ETV5: variants seen among roughly 807,000 people sequenced by gnomAD.
The protein encoded by ETV5 is ETS translocation variant 5.
A neutral mutation model predicts 70.0 loss-of-function variants in ETV5; 10 were observed. The ratio of observed to expected loss-of-function variants is 0.14; its 90% CI spans 0.09 to 0.24. The LOEUF is 0.24. Among genes scored for constraint, ETV5 ranks in the 10% least tolerant of loss-of-function variants. The pLI is 1.00. For missense variants in ETV5, 453 were observed against 651.2 expected (o/e 0.70, Z 3.31); for synonymous variants, 216 against 242.2 (o/e 0.89, Z 1.01).
chr3:186,104,388 A>G (rs910709937), intron 5 of ETV5, among the ~76,000 whole-genome samples: 1 of 152,184 alleles, frequency 6.6e-6, no homozygotes, highest in African/African-American at 2.4e-5. Flanking sequence ...ATGAGCACTT[A>G]GTGGCCATTT....
intron 7 of ETV5, 97 bp downstream of exon 7, chr3:186,079,720 G>T: frequency 1.5e-6 from 2 of 1,345,400 alleles, no homozygotes; most frequent in Non-Finnish European, 1.0e-6. Context: ...TAACTTTTTA[G>T]GAACCTGGTA....
chr3:186,068,455 T>C (rs1713507076), intron 7 of ETV5, among the ~76,000 whole-genome samples: 1 of 152,036 alleles, frequency 6.6e-6, no homozygotes, highest in Non-Finnish European at 1.5e-5. Flanking sequence ...TTTGCTCATC[T>C]ATAGTTTGAT....
At chr3:186,102,918 GC>G (rs1342108106) in intron 5 of ETV5, among the ~76,000 whole-genome samples, 1 of 152,154 alleles carries the variant, frequency 6.6e-6, no homozygotes, top group Non-Finnish European at 1.5e-5. Flanking sequence ...GGTCTGAACT[GC>G]AGGCAAACAA....
At chr3:186,090,488 ACTATATTCATATTAATGCATCT>A (rs1429475745) in intron 5 of ETV5, among the ~76,000 whole-genome samples, 12 of 152,268 alleles carry the variant, frequency 7.9e-5, no homozygotes, top group Non-Finnish European at 1.6e-4. Context: ...CCTATCAGTA[ACTATATTCATATTAATGCATCT>A]ATAACAGGAA....
intron 1 of ETV5, among the ~76,000 whole-genome samples, chr3:186,106,457 G>A (rs1367881285): frequency 2.0e-5 from 3 of 152,130 alleles, no homozygotes; most frequent in Non-Finnish European, 4.4e-5. Context: ...ACTATATATA[G>A]TTCCTGGAAT....
rs34100225 is a variant in ETV5, at chr3:186,105,764, A to AG, written c.46-53dup. On this transcript the variant is annotated intron_variant, in intron 2 of 12. Transcript: ENST00000306376. This position sits in a 1 kb window ranked among gnomAD's most constrained non-coding sequence, Gnocchi z 4.5. ...GCTCAAGTGTAGTAAAGAGGTCCACAGGGGGAAGACTCATATTGGAGAGGG... is the reference window on the plus strand; with the variant it reads ...GCTCAAGTGTAGTAAAGAGGTCCACAGGGGGGAAGACTCATATTGGAGAGGG... The AG allele has an allele frequency of 6.2e-7, 1 of 1,611,526 alleles. No individual in the cohort carries two copies. Among genetic ancestry groups the AG allele is most frequent in the Non-Finnish European group, 8.5e-7 (1 of 1,177,574 alleles).
intron 5 of ETV5, among the ~76,000 whole-genome samples, chr3:186,091,388 GT>G (rs1416981762): frequency 6.6e-6 from 1 of 152,224 alleles, no homozygotes; most frequent in African/African-American, 2.4e-5. Flanking sequence ...AGGACTGACT[GT>G]CACCTTGGTG....
Position 186,077,641 on chromosome 3 carries a change from T to C in ETV5, c.650+2176A>G, listed in dbSNP as rs115561520. Among the ~76,000 whole-genome samples the C allele has an allele frequency of 6.6e-3, 1,009 of 152,278 alleles. 9 individuals carry two copies. The highest frequency in any genetic ancestry group is 0.023 in the African/African-American group (960 of 41,552). On this transcript the variant is annotated intron_variant, in intron 7 of 12. Coordinates refer to ENST00000306376, the MANE Select transcript of ETV5 (RefSeq NM_004454.3). ...AATTTCTCAAAGTGTGACAAGACTA[T>C]ATCCAGGCCCCGCCCCAGGCCCACA...
chr3:186,078,990 C>G, intron 7 of ETV5: 1 of 990,470 alleles, frequency 1.0e-6, no homozygotes, highest in Non-Finnish European at 1.2e-6. Context: ...TTGTGGCCCC[C>G]ACACCGATCC....
In ETV5 at chr3:186,078,137, T is replaced by A. The variant is rs373841919; in HGVS notation, c.650+1680A>T. ...TCACAGCTGAGACTGGGGCTACCCA[T>A]CTCCCAATTCTCCAGGAGAACTAGG... On this transcript the variant is annotated intron_variant, in intron 7 of 12. Coordinates refer to ENST00000306376, the MANE Select transcript of ETV5 (RefSeq NM_004454.3). The A allele has an allele frequency of 2.9e-5, 30 of 1,050,944 alleles. No individual in the cohort carries two copies. The African/African-American group carries it at 4.5e-4, about 16-fold the overall frequency. 65.1% of individuals were successfully genotyped at this position (1,050,944 alleles called of 1,614,324 possible). A position where few individuals can be genotyped will look rare whatever the true frequency, so the allele number is the denominator to read the frequency against.
In ETV5 at chr3:186,066,057, C is replaced by A; in HGVS notation, c.666G>T (p.Leu222=). ...GAGGGAAGGGGTGGCAGGGTTCAGA[C>A]AGTTGTCTCTGAAATCTGTAAGAAG... ...YPSEQRFQRQ[L]SEPCHPFPPQ... The change falls in exon 8 of 13, where the codon CTG becomes CTT. Residue 222 remains leucine, a synonymous_variant. Coordinates refer to ENST00000306376, the MANE Select transcript of ETV5 (RefSeq NM_004454.3). 6.3e-7 allele frequency: 1 copy of A among 1,590,242 alleles called. No individual in the cohort carries two copies. Among genetic ancestry groups the A allele is most frequent in the Admixed American group, 1.8e-5 (1 of 54,210 alleles).
chr3:186,051,837 C>T (rs1313575307), intron 12 of ETV5, among the ~76,000 whole-genome samples, 193 bp downstream of exon 12: 1 of 152,202 alleles, frequency 6.6e-6, no homozygotes, highest in East Asian at 1.9e-4. Flanking sequence ...ACATAACCAA[C>T]AGCATCAAAT....
rs547969025 is a variant in ETV5 at position 186,057,752 on chromosome 3, C to A, written c.971-261G>T. On this transcript the variant is annotated intron_variant, in intron 9 of 12. Transcript: ENST00000306376. This position sits in a 1 kb window ranked among gnomAD's most constrained non-coding sequence, Gnocchi z 4.9. ...GCAGGGAAGTGCTGAGTCACCAGTA[C>A]GTTCCTTTGCATTTTGCTTCTGAGG... Among the ~76,000 whole-genome samples, 7 of 152,304 alleles carry A rather than the reference C, an allele frequency of 4.6e-5. No individual in the cohort carries two copies. The highest frequency in any genetic ancestry group is 1.4e-4 in the African/African-American group (6 of 41,560).
At chr3:186,097,715 T>TA (rs1210422465) in intron 5 of ETV5, among the ~76,000 whole-genome samples, 7 of 152,260 alleles carry the variant, frequency 4.6e-5, no homozygotes, top group East Asian at 3.9e-4. Flanking sequence ...AGTGAGCACT[T>TA]AAAAGAAAAC....
Position 186,057,687 on chromosome 3 carries a change from A to G in ETV5, c.971-196T>C, listed in dbSNP as rs964649343. Among the ~76,000 whole-genome samples, 2 of 152,234 alleles carry G rather than the reference A, an allele frequency of 1.3e-5. No individual in the cohort carries two copies. Among genetic ancestry groups the G allele is most frequent in the Non-Finnish European group, 2.9e-5 (2 of 68,038 alleles). On this transcript the variant is annotated intron_variant, in intron 9 of 12. Transcript: ENST00000306376. The surrounding 1 kb of genome is among the most constrained non-coding windows in gnomAD (Gnocchi z 4.9). ...ATTCTGATGTAATCACCTGCGCCTC[A>G]GTCAGAGCAGCATCAATTCCTGCTT...
chr3:186,099,986 C>T (rs573301369), intron 5 of ETV5, among the ~76,000 whole-genome samples: 1 of 152,232 alleles, frequency 6.6e-6, no homozygotes, highest in South Asian at 2.1e-4. Flanking sequence ...TAAAGGTAGA[C>T]GAAAGCAGAT....
intron 11 of ETV5, 143 bp downstream of exon 11, chr3:186,056,932 C>G (rs1257694082): frequency 4.8e-6 from 4 of 834,262 alleles, no homozygotes; most frequent in African/African-American, 1.7e-5. Context: ...AGGAGGGATA[C>G]AGCCAAGCCC....
Position 186,109,070 on chromosome 3 carries a change from C to T in ETV5, c.-205G>A, listed in dbSNP as rs971130437. ...GCTCCGAAGACGGTGAACCGCTCCG[C>T]GCACCAGCGGCTGGACTCTGCGCCG... On this transcript the variant is annotated 5_prime_UTR_variant, in exon 1 of 13. Transcript: ENST00000306376. 6.6e-6 allele frequency: 1 copy of T among 152,284 alleles called. No homozygotes were observed. Among genetic ancestry groups the T allele is most frequent in the Non-Finnish European group, 1.5e-5 (1 of 68,074 alleles). 9.4% of individuals were successfully genotyped at this position (152,284 alleles called of 1,614,324 possible).
At chr3:186,051,434 C>T (rs930924495) in intron 12 of ETV5, among the ~76,000 whole-genome samples, 1 of 152,202 alleles carries the variant, frequency 6.6e-6, no homozygotes, top group East Asian at 1.9e-4. Context: ...ACCTATCCCA[C>T]GAAGAATTTT....
Sources: gnomAD v4.1 joint callset for allele counts (sites outside exome capture counted in the v4.1 genomes callset) on GRCh38, gnomAD v4.1.1 for gene constraint, Gnocchi (gnomAD v3.1) non-coding constraint, MANE v1.5 for transcripts, NCBI Gene and HGNC (gene_info 2026-07-23, HGNC 2026-07-21) for gene names.